Variants in GREB1L observed in about 807,000 individuals in gnomAD.
The protein encoded by GREB1L is GREB1-like protein.
GREB1L carries 17 observed loss-of-function variants against 200.8 expected under a neutral mutation model. The ratio of observed to expected loss-of-function variants is 0.08; its 90% CI spans 0.06 to 0.13. GREB1L has a LOEUF of 0.13. Ranked by LOEUF, GREB1L falls within the 10% of genes least tolerant of loss-of-function variation. The pLI, the probability that GREB1L is intolerant of heterozygous loss-of-function variation, is 1.00. For missense variants in GREB1L, 1,657 were observed against 2,367.7 expected, an observed-to-expected ratio of 0.70 and a Z score of 6.23; for synonymous variants, 789 against 893.0, an observed-to-expected ratio of 0.88 and a Z score of 2.08.
chr18:21,482,626 A>G (rs1287788709), intron 17 of GREB1L, among the ~76,000 whole-genome samples: 1 of 139,836 alleles, frequency 7.2e-6, no homozygotes, highest in East Asian at 2.2e-4. Context: ...TGAGCACACC[A>G]TTGTGTAGAT....
chr18:21,447,412 C>T lies in GREB1L; in HGVS notation c.1394-2098C>T, dbSNP rs1334700739. Among the ~76,000 whole-genome samples, 4 of 152,272 alleles carry T rather than the reference C, an allele frequency of 2.6e-5. No individual in the cohort carries two copies. In the East Asian group the frequency reaches 7.7e-4, roughly 29 times the overall value. ...CCTCATTTAAACTTAATACCTTTTC[C>T]TCCACTTCTTGATTCCTAATTGTAC... On this transcript the variant is annotated intron_variant, in intron 11 of 32. Transcript: ENST00000424526.
At chr18:21,428,376 CTG>C (rs2032818017) in intron 7 of GREB1L, among the ~76,000 whole-genome samples, 1 of 71,128 alleles carries the variant, frequency 1.4e-5, no homozygotes, top group African/African-American at 5.4e-5. Context: ...TGTGTTGAAA[CTG>C]GAAGTAGTGG....
At chr18:21,440,741 T>C (rs2033853472) in intron 9 of GREB1L, among the ~76,000 whole-genome samples, 1 of 152,230 alleles carries the variant, frequency 6.6e-6, no homozygotes, top group Non-Finnish European at 1.5e-5. Flanking sequence ...TTATTATTTC[T>C]GACCTGGATG....
intron 23 of GREB1L, among the ~76,000 whole-genome samples, chr18:21,502,662 A>G (rs1454704062): frequency 6.6e-6 from 1 of 151,972 alleles, no homozygotes; most frequent in Non-Finnish European, 1.5e-5. Context: ...TTTTTTTCCC[A>G]GCTAAGCTGC....
At chr18:21,308,835 G>C (rs1464247547) in intron 1 of GREB1L, among the ~76,000 whole-genome samples, 2 of 152,216 alleles carry the variant, frequency 1.3e-5, no homozygotes, top group African/African-American at 4.8e-5. Flanking sequence ...TTGGGAGCTT[G>C]ATAAGCAGAA....
At chr18:21,254,652 G>A (rs1442694077) in intron 1 of GREB1L, among the ~76,000 whole-genome samples, 1 of 152,094 alleles carries the variant, frequency 6.6e-6, no homozygotes, top group Admixed American at 6.5e-5. Flanking sequence ...GGCAGGAAGG[G>A]CACTGCAATT....
At position 21,336,298 on chromosome 18, in the gene GREB1L, A is replaced by T. The variant is rs369800819; in HGVS notation, c.-119-29729A>T. Among the ~76,000 whole-genome samples, 4 of 152,216 alleles carry T rather than the reference A, an allele frequency of 2.6e-5. No individual in the cohort carries two copies. The South Asian group carries it at 6.2e-4, about 24-fold the overall frequency. On this transcript the variant is annotated intron_variant, in intron 1 of 32. Coordinates refer to ENST00000424526, the MANE Select transcript of GREB1L (RefSeq NM_001142966.3). ...ATGGAAAAATAAACTTTACTTCTTC[A>T]CATCTGGTAGAAAGCTTTCTCTTCT...
chr18:21,307,428 A>G (rs972914326), intron 1 of GREB1L, among the ~76,000 whole-genome samples: 1 of 152,180 alleles, frequency 6.6e-6, no homozygotes, highest in Non-Finnish European at 1.5e-5. Flanking sequence ...GTCCTGGATG[A>G]TATCCTGTTT....
chr18:21,315,458 T>C (rs2038853101), intron 1 of GREB1L, among the ~76,000 whole-genome samples: 1 of 152,182 alleles, frequency 6.6e-6, no homozygotes, highest in South Asian at 2.1e-4. Flanking sequence ...TCAGAGTATG[T>C]CATAAGAAAT....
chr18:21,242,638 C>T (rs1390773365), intron 1 of GREB1L, among the ~76,000 whole-genome samples: 1 of 152,084 alleles, frequency 6.6e-6, no homozygotes, highest in African/African-American at 2.4e-5. Context: ...TTCCCTGCCG[C>T]CTCGCGTCGC....
chr18:21,251,826 T>C (rs1454697125), intron 1 of GREB1L, among the ~76,000 whole-genome samples: 1 of 151,474 alleles, frequency 6.6e-6, no homozygotes, highest in Non-Finnish European at 1.5e-5. Flanking sequence ...ATGCCTGTAA[T>C]CCCAGCTACT....
At chr18:21,456,908 C>G (rs1023222457) in intron 15 of GREB1L, among the ~76,000 whole-genome samples, 2 of 151,994 alleles carry the variant, frequency 1.3e-5, no homozygotes, top group South Asian at 2.1e-4. Context: ...TTTTTCCTTT[C>G]GTAACATGGA....
At chr18:21,312,767 T>C (rs1598650329) in intron 1 of GREB1L, among the ~76,000 whole-genome samples, 1 of 152,134 alleles carries the variant, frequency 6.6e-6, no homozygotes, top group East Asian at 1.9e-4. Flanking sequence ...TTGGCGAGGA[T>C]GGTCTTGATC....
At chr18:21,479,242 T>C (rs1480254895) in intron 17 of GREB1L, among the ~76,000 whole-genome samples, 1 of 152,130 alleles carries the variant, frequency 6.6e-6, no homozygotes, top group Non-Finnish European at 1.5e-5. Context: ...AATTTCGATA[T>C]ATTGGAGTGT....
At chr18:21,253,835 T>TA in intron 1 of GREB1L, among the ~76,000 whole-genome samples, 1 of 150,314 alleles carries the variant, frequency 6.7e-6, no homozygotes, top group East Asian at 1.9e-4. Context: ...AGGCTTTTTT[T>TA]TTTTTTTTTT....
rs764856630 is a variant in GREB1L at position 21,441,577 on chromosome 18, ATC to A, written c.1207+42_1207+43del. The A allele has an allele frequency of 3.7e-5, 56 of 1,514,050 alleles. No individual in the cohort carries two copies. In the South Asian group the frequency reaches 5.8e-4, roughly 16 times the overall value. The allele number at this position is 1,514,050 out of a possible 1,614,324, so 93.8% of individuals were successfully genotyped here. On this transcript the variant is annotated intron_variant, in intron 10 of 32. Transcript: ENST00000424526. ...TTCCAAGTTGCCTGTGTCTGCTGGA[ATC>A]TAGGAGTGTTTTTCCATTTCATTGT...
chr18:21,337,177 G>A (rs1309869003), intron 1 of GREB1L, among the ~76,000 whole-genome samples: 1 of 152,186 alleles, frequency 6.6e-6, no homozygotes, highest in East Asian at 1.9e-4. Flanking sequence ...AGAAAAAGTA[G>A]AATATAAAAC....
At chr18:21,331,581 A>G (rs1357798353) in intron 1 of GREB1L, among the ~76,000 whole-genome samples, 1 of 152,228 alleles carries the variant, frequency 6.6e-6, no homozygotes. Context: ...GATTACATCC[A>G]TGACATTCAA....
intron 25 of GREB1L, among the ~76,000 whole-genome samples, chr18:21,507,596 C>G (rs1019094898): frequency 6.6e-6 from 1 of 152,240 alleles, no homozygotes; most frequent in South Asian, 2.1e-4. Flanking sequence ...CAAATGGTCT[C>G]TTTTCTGAAA....
Sources: gnomAD v4.1 joint callset for allele counts (sites outside exome capture counted in the v4.1 genomes callset) on GRCh38, gnomAD v4.1.1 for gene constraint, MANE v1.5 for transcripts, NCBI Gene and HGNC (gene_info 2026-07-23, HGNC 2026-07-21) for gene names.